Variants in MAP2 observed in about 807,000 individuals in gnomAD.
The protein encoded by MAP2 is microtubule-associated protein 2.
MAP2 carries 14 observed loss-of-function variants against 137.6 expected under a neutral mutation model. That is an observed-to-expected ratio of 0.10 (90% CI 0.07 to 0.16). The LOEUF is 0.16. MAP2 is among the 10% of genes least tolerant of loss of function. The pLI, the probability that MAP2 is intolerant of heterozygous loss-of-function variation, is 1.00. For missense variants in MAP2, 2,088 were observed against 2,191.5 expected (o/e 0.95, Z 0.94); for synonymous variants, 786 against 782.3 (o/e 1.00, Z -0.08).
At chr2:209,548,129 C>T (rs1179180766) in intron 2 of MAP2, among the ~76,000 whole-genome samples, 2 of 152,148 alleles carry the variant, frequency 1.3e-5, no homozygotes, top group Non-Finnish European at 2.9e-5. Context: ...GTAAATTATT[C>T]AGCATTCCAC....
chr2:209,469,574 A>G (rs1705134200), intron 1 of MAP2, among the ~76,000 whole-genome samples: 2 of 152,100 alleles, frequency 1.3e-5, no homozygotes, highest in Non-Finnish European at 2.9e-5. Context: ...AAGCAATGAT[A>G]TGCTCATTCC....
Position 209,695,147 on chromosome 2 carries a change from G to C in MAP2, c.2977G>C (p.Gly993Arg). ...TGATGAAATAGAAACATTCGGATTA[G>C]GAGTAACCTATGAGCAAGCTTTGGC... ...AGDEIETFGLGVTYEQALAKD... is the reference protein window; with the variant it reads ...AGDEIETFGLRVTYEQALAKD... Residue 993 changes from glycine (G) to arginine (R), a missense_variant, in exon 8 of 16, where the codon GGA becomes CGA. Gly to Arg is a moderately radical substitution (Grantham distance 125). Transcript: ENST00000682079. The C allele has an allele frequency of 6.2e-7, 1 of 1,614,194 alleles. No individual in the cohort carries two copies. The highest frequency in any genetic ancestry group is 8.5e-7 in the Non-Finnish European group (1 of 1,180,036).
chr2:209,539,292 ATTG>A (rs2150712189), intron 2 of MAP2, among the ~76,000 whole-genome samples: 1 of 152,306 alleles, frequency 6.6e-6, no homozygotes, highest in African/African-American at 2.4e-5. Context: ...CATTTCTGTA[ATTG>A]TTGTGAATGC....
intron 3 of MAP2, among the ~76,000 whole-genome samples, chr2:209,622,730 A>G (rs1160639427): frequency 6.6e-6 from 1 of 152,172 alleles, no homozygotes; most frequent in Non-Finnish European, 1.5e-5. Context: ...AAAATTTCGT[A>G]TGCCTTGTGG....
At chr2:209,713,211 C>T (rs1321660376) in intron 13 of MAP2, among the ~76,000 whole-genome samples, 1 of 152,126 alleles carries the variant, frequency 6.6e-6, no homozygotes, top group Non-Finnish European at 1.5e-5. Context: ...TTTGTGCAAT[C>T]TCTAAAAATT....
At chr2:209,590,844 C>T (rs2079057805) in intron 3 of MAP2, among the ~76,000 whole-genome samples, 1 of 152,084 alleles carries the variant, frequency 6.6e-6, no homozygotes. Context: ...TCCTCCTTGC[C>T]CATTACCCTT....
chr2:209,596,541 T>C (rs1053865964), intron 3 of MAP2, among the ~76,000 whole-genome samples: 7 of 152,206 alleles, frequency 4.6e-5, no homozygotes, highest in Middle Eastern at 3.2e-3. Flanking sequence ...TGCAAAGGAA[T>C]GTGAATAAAA....
chr2:209,450,301 A>G (rs927181642), intron 1 of MAP2, among the ~76,000 whole-genome samples: 4 of 152,128 alleles, frequency 2.6e-5, no homozygotes, highest in African/African-American at 7.2e-5. Flanking sequence ...GCACACATAA[A>G]CTGTCACACA....
intron 11 of MAP2, among the ~76,000 whole-genome samples, chr2:209,702,506 A>AT (rs34360891): frequency 2.6e-5 from 4 of 151,294 alleles, no homozygotes; most frequent in Non-Finnish European, 5.9e-5. Context: ...TAACTTAAAA[A>AT]TTTTTTTTCT....
At chr2:209,567,339 G>A (rs763354496) in intron 2 of MAP2, among the ~76,000 whole-genome samples, 6 of 152,036 alleles carry the variant, frequency 3.9e-5, no homozygotes, top group Non-Finnish European at 8.8e-5. Flanking sequence ...AAATGATTCC[G>A]TAACTATTTT....
chr2:209,483,333 C>G (rs922728020), intron 1 of MAP2, among the ~76,000 whole-genome samples: 1 of 152,048 alleles, frequency 6.6e-6, no homozygotes, highest in African/African-American at 2.4e-5. Flanking sequence ...TTACTGATAC[C>G]TAGATTCAAT....
intron 2 of MAP2, among the ~76,000 whole-genome samples, chr2:209,538,106 C>G (rs1179047705): frequency 1.3e-5 from 2 of 152,126 alleles, no homozygotes; most frequent in African/African-American, 4.8e-5. Context: ...TTGGCTGTGT[C>G]TTCACGCAGA....
intron 4 of MAP2, among the ~76,000 whole-genome samples, chr2:209,636,292 A>G (rs1180497193): frequency 6.6e-6 from 1 of 152,156 alleles, no homozygotes; most frequent in African/African-American, 2.4e-5. Flanking sequence ...GTAGTAATCA[A>G]TCCTGAATAA....
At chr2:209,561,409 C>T (rs16843092) in intron 2 of MAP2, among the ~76,000 whole-genome samples, 2,995 of 152,240 alleles carry the variant, frequency 0.02, 95 homozygotes, top group African/African-American at 0.068. Flanking sequence ...TAGAAAAATT[C>T]AGGCTCATGA....
chr2:209,521,062 CT>C (rs2063207668), intron 2 of MAP2, among the ~76,000 whole-genome samples: 1 of 152,004 alleles, frequency 6.6e-6, no homozygotes, highest in Non-Finnish European at 1.5e-5. Context: ...TGGTTTAGAG[CT>C]TCTTATAATT....
intron 4 of MAP2, among the ~76,000 whole-genome samples, chr2:209,639,931 C>G (rs372316142): frequency 8.5e-5 from 13 of 152,066 alleles, no homozygotes; most frequent in African/African-American, 2.4e-4. Context: ...AGAGGAACCT[C>G]TGACCCAGAG....
intron 3 of MAP2, among the ~76,000 whole-genome samples, chr2:209,606,333 G>A (rs529825144): frequency 6.6e-6 from 1 of 152,244 alleles, no homozygotes; most frequent in Non-Finnish European, 1.5e-5. Flanking sequence ...GCACTGTAAA[G>A]GGAAGATGTT....
chr2:209,615,712 G>A (rs77180189), intron 3 of MAP2, among the ~76,000 whole-genome samples: 1,708 of 152,328 alleles, frequency 0.011, 33 homozygotes, highest in African/African-American at 0.04. Context: ...GCCGAAGACA[G>A]TAAAAAGCCT....
At chr2:209,481,308 C>T (rs1040554551) in intron 1 of MAP2, among the ~76,000 whole-genome samples, 1 of 152,188 alleles carries the variant, frequency 6.6e-6, no homozygotes, top group African/African-American at 2.4e-5. Flanking sequence ...ATGGTTCAGC[C>T]TTCATACTCC....
Sources: gnomAD v4.1 joint callset for allele counts (sites outside exome capture counted in the v4.1 genomes callset) on GRCh38, gnomAD v4.1.1 for gene constraint, MANE v1.5 for transcripts, NCBI Gene and HGNC (gene_info 2026-07-23, HGNC 2026-07-21) for gene names.